The following CSMD1 variants were observed in gnomAD, a reference collection of about 807,000 sequenced individuals.
The protein encoded by CSMD1 is CUB and sushi domain-containing protein 1.
In CSMD1, 213 loss-of-function variants were observed where a neutral mutation model predicts 417.5. That is an observed-to-expected ratio of 0.51 (90% CI 0.46 to 0.57). The LOEUF (loss-of-function observed/expected upper bound fraction) is 0.57. Among genes scored for constraint, CSMD1 ranks in the 20% least tolerant of loss-of-function variants. The probability of loss-of-function intolerance (pLI) is 0.00; values close to 1 mark genes in which losing one functional copy is unlikely to be tolerated. For missense variants in CSMD1, 6,923 were observed against 4,529.7 expected, an observed-to-expected ratio of 1.53 and a Z score of -15.17; for synonymous variants, 2,862 against 1,736.8, an observed-to-expected ratio of 1.65 and a Z score of -16.11.
chr8:2,948,698 A>T (rs530015453), intron 68 of CSMD1, among the ~76,000 whole-genome samples: 12 of 152,274 alleles, frequency 7.9e-5, no homozygotes, highest in African/African-American at 2.9e-4. Context: ...GACACGCCTG[A>T]ATATGCAGAA....
intron 3 of CSMD1, among the ~76,000 whole-genome samples, chr8:4,389,407 T>C (rs186420370): frequency 2.6e-5 from 4 of 152,224 alleles, no homozygotes; most frequent in Admixed American, 1.3e-4. Context: ...AATTAGACCA[T>C]AGAAACATAC....
At position 4,057,029 on chromosome 8, in the gene CSMD1, A is replaced by G. The variant is rs191032275; in HGVS notation, c.416-24930T>C. Among the ~76,000 whole-genome samples, 1,508 of 152,308 alleles carry G rather than the reference A, an allele frequency of 9.9e-3. 25 individuals carry two copies. Among genetic ancestry groups the G allele is most frequent in the African/African-American group, 0.027 (1,125 of 41,564 alleles). The stretch of plus-strand genomic sequence containing the variant: ...ATGTGTCTTTATAGCAGCATGATTT[A>G]TAGTCCTTTGGGTATGTACCCAGTA... On this transcript the variant is annotated intron_variant, in intron 3 of 69. Transcript: ENST00000635120.
intron 7 of CSMD1, among the ~76,000 whole-genome samples, chr8:3,696,313 A>G (rs1010933119): frequency 2.0e-5 from 3 of 152,214 alleles, no homozygotes; most frequent in African/African-American, 7.2e-5. Context: ...GGTGCCTTCC[A>G]TCTCCGAAGC....
chr8:4,665,555 T>C (rs570826485), intron 1 of CSMD1, among the ~76,000 whole-genome samples: 4 of 152,310 alleles, frequency 2.6e-5, no homozygotes, highest in East Asian at 1.9e-4. Flanking sequence ...ATCAGTGATA[T>C]GATTTCCATC....
At chr8:3,043,664 T>C (rs1171928434) in intron 50 of CSMD1, 1 of 152,154 alleles carries the variant, frequency 6.6e-6, no homozygotes, top group East Asian at 1.9e-4. Context: ...TTAGGGGTTT[T>C]TTTCATGCAA....
At chr8:3,832,641 G>C (rs1169138506) in intron 5 of CSMD1, among the ~76,000 whole-genome samples, 1 of 152,142 alleles carries the variant, frequency 6.6e-6, no homozygotes, top group East Asian at 1.9e-4. Flanking sequence ...AAGATTTCAA[G>C]TACTTACAAC....
At chr8:3,983,044 C>T (rs921357892) in intron 5 of CSMD1, among the ~76,000 whole-genome samples, 1 of 152,022 alleles carries the variant, frequency 6.6e-6, no homozygotes, top group South Asian at 2.1e-4. Context: ...GGCCGGGATC[C>T]CAATCCAAGT....
chr8:4,126,426 G>T (rs1161545835), intron 3 of CSMD1, among the ~76,000 whole-genome samples: 1 of 152,104 alleles, frequency 6.6e-6, no homozygotes, highest in Non-Finnish European at 1.5e-5. Flanking sequence ...CAGCACCCTA[G>T]CGAAGACACA....
At position 4,846,277 on chromosome 8, in the gene CSMD1, C is replaced by T. The variant is rs866168709; in HGVS notation, c.85+148055G>A. On this transcript the variant is annotated intron_variant, in intron 1 of 69. Transcript: ENST00000635120. The stretch of plus-strand genomic sequence containing the variant: ...AATTTGGAAATGTGTGAAGTAAGAT[C>T]TTTAACTTGTTATTTCCATGTATAC... Among the ~76,000 whole-genome samples, 128 of 152,256 alleles carry T rather than the reference C, an allele frequency of 8.4e-4. 1 individual carries two copies. The highest frequency in any genetic ancestry group is 3.0e-3 in the African/African-American group (123 of 41,552).
At chr8:4,221,097 G>A (rs79745309) in intron 3 of CSMD1, among the ~76,000 whole-genome samples, 2,059 of 152,264 alleles carry the variant, frequency 0.014, 14 homozygotes, top group Non-Finnish European at 0.02. Context: ...ATTTAAACAA[G>A]AGAGGAATAC....
chr8:4,816,561 C>A (rs918905829), intron 1 of CSMD1, among the ~76,000 whole-genome samples: 1 of 152,124 alleles, frequency 6.6e-6, no homozygotes, highest in Admixed American at 6.5e-5. Flanking sequence ...TCATTCAACA[C>A]AGATTTTAAT....
At chr8:3,711,169 G>C (rs1801485765) in intron 6 of CSMD1, among the ~76,000 whole-genome samples, 1 of 152,188 alleles carries the variant, frequency 6.6e-6, no homozygotes, top group South Asian at 2.1e-4. Flanking sequence ...ACGAGAGACT[G>C]GAAGGAACAT....
intron 6 of CSMD1, among the ~76,000 whole-genome samples, chr8:3,709,680 G>GTTTTTTTTTTTTTTTTT (rs56272726): frequency 0.011 from 369 of 33,618 alleles, 90 homozygotes; most frequent in Middle Eastern, 0.032. Flanking sequence ...GCAGCAGCAT[G>GTTTTTTTTTTTTTTTTT]TTTTTTTTTT....
chr8:4,985,735 G>C (rs997097515), intron 1 of CSMD1, among the ~76,000 whole-genome samples: 1 of 152,048 alleles, frequency 6.6e-6, no homozygotes, highest in African/African-American at 2.4e-5. Context: ...AATCTGTATT[G>C]TTTCCATGTA....
chr8:3,595,054 C>G (rs534667450), intron 8 of CSMD1, among the ~76,000 whole-genome samples: 2 of 152,296 alleles, frequency 1.3e-5, no homozygotes, highest in East Asian at 3.9e-4. Context: ...CCCTTGGGAA[C>G]ATTCATCTCT....
At chr8:4,957,298 G>C (rs981054056) in intron 1 of CSMD1, among the ~76,000 whole-genome samples, 40 of 152,260 alleles carry the variant, frequency 2.6e-4, no homozygotes, top group African/African-American at 9.1e-4. Flanking sequence ...AAAGGGCAAA[G>C]CCCCTAATAT....
At chr8:4,102,497 T>G (rs1801356979) in intron 3 of CSMD1, among the ~76,000 whole-genome samples, 1 of 152,164 alleles carries the variant, frequency 6.6e-6, no homozygotes, top group Admixed American at 6.6e-5. Context: ...AGGGGCAGAA[T>G]TCTTTGAAAA....
At chr8:3,102,054 G>A (rs1270977063) in intron 46 of CSMD1, among the ~76,000 whole-genome samples, 4 of 151,956 alleles carry the variant, frequency 2.6e-5, no homozygotes, top group Non-Finnish European at 4.4e-5. Context: ...CTCCCACCTC[G>A]GCCTCCAAAA....
chr8:3,266,541 G>A (rs1225999158), intron 26 of CSMD1, among the ~76,000 whole-genome samples: 1 of 149,120 alleles, frequency 6.7e-6, no homozygotes, highest in Non-Finnish European at 1.5e-5. Flanking sequence ...AGGAGGCAGA[G>A]GTTGCAGTGA....
Sources: gnomAD v4.1 joint callset for allele counts (sites outside exome capture counted in the v4.1 genomes callset) on GRCh38, gnomAD v4.1.1 for gene constraint, MANE v1.5 for transcripts, NCBI Gene and HGNC (gene_info 2026-07-23, HGNC 2026-07-21) for gene names.